The following SLC17A5 variants were observed in gnomAD, a reference collection of about 807,000 sequenced individuals.
The protein encoded by SLC17A5 is sialin.
Under a neutral mutation model 59.4 loss-of-function variants are expected in SLC17A5, and 47 were observed. The observed-to-expected ratio is 0.79, with a 90% confidence interval of 0.63 to 1.01. The LOEUF (loss-of-function observed/expected upper bound fraction) is 1.01. Among genes scored for constraint, SLC17A5 ranks in the 50% least tolerant of loss-of-function variants. SLC17A5 has a pLI of 0.00. For missense variants in SLC17A5, 522 were observed against 595.5 expected (o/e 0.88, Z 1.28); for synonymous variants, 202 against 210.7 (o/e 0.96, Z 0.36).
In SLC17A5 at chr6:73,653,981, C is replaced by T. The variant is rs999324081; in HGVS notation, c.-95G>A. 4.9e-6 allele frequency: 5 copies of T among 1,018,400 alleles called. No homozygotes were observed. The highest frequency in any genetic ancestry group is 3.4e-5 in the African/African-American group (2 of 58,882). The allele number at this position is 1,018,400 out of a possible 1,614,324, so 63.1% of individuals were successfully genotyped here. ...CCCGGGCCGAGCTGGCTGGACCGGG[C>T]GGGGCGGGGGCGATGACACCGCCCC... On this transcript the variant is annotated 5_prime_UTR_variant, in exon 1 of 11. Coordinates refer to ENST00000355773, the MANE Select transcript of SLC17A5 (RefSeq NM_012434.5).
intron 7 of SLC17A5, among the ~76,000 whole-genome samples, chr6:73,617,748 G>A (rs932690508): frequency 1.3e-5 from 2 of 152,050 alleles, no homozygotes; most frequent in Non-Finnish European, 2.9e-5. Context: ...GCCGAGGCAG[G>A]AGAATCGCTT....
intron 1 of SLC17A5, among the ~76,000 whole-genome samples, chr6:73,647,356 C>T (rs1271657676): frequency 6.6e-6 from 1 of 152,134 alleles, no homozygotes; most frequent in African/African-American, 2.4e-5. Flanking sequence ...GTGGCTTAAA[C>T]TACAGTGAAA....
At chr6:73,646,679 C>CA (rs1562001638) in intron 1 of SLC17A5, among the ~76,000 whole-genome samples, 3 of 145,994 alleles carry the variant, frequency 2.1e-5, no homozygotes, top group Non-Finnish European at 4.6e-5. Flanking sequence ...TTTTTTCTTT[C>CA]TTTTTTTTTT....
chr6:73,644,358 C>G, intron 2 of SLC17A5, 49 bp downstream of exon 2: 1 of 1,419,690 alleles, frequency 7.0e-7, no homozygotes, highest in Non-Finnish European at 9.9e-7. Flanking sequence ...TTTTTACTTG[C>G]AAGTATTTTA....
At chr6:73,642,746 T>C (rs2150119315) in intron 2 of SLC17A5, among the ~76,000 whole-genome samples, 1 of 152,356 alleles carries the variant, frequency 6.6e-6, no homozygotes, top group South Asian at 2.1e-4. Context: ...CAAGAACCAT[T>C]CCGGGATTTC....
chr6:73,620,955 G>A (rs1405748204), intron 7 of SLC17A5, among the ~76,000 whole-genome samples: 1 of 151,464 alleles, frequency 6.6e-6, no homozygotes, highest in Admixed American at 6.6e-5. Context: ...CGAACTCCTG[G>A]GCTCAAGCAG....
At chr6:73,617,633 C>T (rs887376763) in intron 7 of SLC17A5, among the ~76,000 whole-genome samples, 1 of 152,144 alleles carries the variant, frequency 6.6e-6, no homozygotes, top group African/African-American at 2.4e-5. Flanking sequence ...CACCTGAGGT[C>T]AGCAGTTTGA....
chr6:73,611,700 G>C (rs1053245985), intron 8 of SLC17A5, among the ~76,000 whole-genome samples: 2 of 152,110 alleles, frequency 1.3e-5, no homozygotes, highest in Non-Finnish European at 2.9e-5. Flanking sequence ...GAGACTTAAT[G>C]AGTGGGCTGT....
chr6:73,616,173 C>T (rs1470948298), intron 7 of SLC17A5, among the ~76,000 whole-genome samples: 2 of 152,018 alleles, frequency 1.3e-5, no homozygotes, highest in Non-Finnish European at 2.9e-5. Context: ...CATGAGCCAC[C>T]GCACCCGGCC....
intron 6 of SLC17A5, among the ~76,000 whole-genome samples, chr6:73,629,611 A>G (rs1161560432): frequency 6.6e-6 from 1 of 151,910 alleles, no homozygotes; most frequent in Non-Finnish European, 1.5e-5. Flanking sequence ...TGTCTCCACT[A>G]AAAATACAAA....
intron 9 of SLC17A5, 127 bp from the exon 10 acceptor site, chr6:73,600,568 G>A: frequency 1.3e-6 from 1 of 763,574 alleles, no homozygotes; most frequent in Non-Finnish European, 2.2e-6. Context: ...GAGGGCAGTG[G>A]GATGATCTCA....
At chr6:73,632,246 C>T (rs1768765240) in intron 6 of SLC17A5, among the ~76,000 whole-genome samples, 1 of 134,428 alleles carries the variant, frequency 7.4e-6, no homozygotes. Context: ...CTGCACTGAG[C>T]TGTGATGGTG....
intron 9 of SLC17A5, 63 bp downstream of exon 9, chr6:73,610,337 T>C: frequency 6.3e-7 from 1 of 1,592,660 alleles, no homozygotes; most frequent in South Asian, 1.1e-5. Context: ...TCTGGCCTTT[T>C]ATCAGGATTT....
intron 9 of SLC17A5, among the ~76,000 whole-genome samples, chr6:73,603,412 TG>T (rs1176001154): frequency 7.1e-6 from 1 of 140,338 alleles, no homozygotes; most frequent in African/African-American, 2.9e-5. Context: ...TTTTTAAAAT[TG>T]CTGCCTCTTT....
At chr6:73,630,623 C>T (rs58417654) in intron 6 of SLC17A5, among the ~76,000 whole-genome samples, 24,834 of 152,110 alleles carry the variant, frequency 0.16, 3,130 homozygotes, top group African/African-American at 0.35. Context: ...TGACTTCCAG[C>T]TGTTCCTCCT....
intron 1 of SLC17A5, among the ~76,000 whole-genome samples, chr6:73,646,679 CT>C (rs377347779): frequency 0.014 from 1,999 of 145,704 alleles, 39 homozygotes; most frequent in African/African-American, 0.043. Context: ...TTTTTTCTTT[CT>C]TTTTTTTTTT....
intron 10 of SLC17A5, among the ~76,000 whole-genome samples, chr6:73,597,290 AC>A (rs1424490055): frequency 6.8e-6 from 1 of 146,084 alleles, no homozygotes; most frequent in East Asian, 2.0e-4. Context: ...ACAAGGTGAA[AC>A]CCCGTCTCTA....
Position 73,593,760 on chromosome 6 carries a change from G to A in SLC17A5, c.*1317C>T, listed in dbSNP as rs1448529246. 2.6e-5 allele frequency: 4 copies of A among 152,082 alleles called. No individual in the cohort carries two copies. Among genetic ancestry groups the A allele is most frequent in the East Asian group, 1.9e-4 (1 of 5,192 alleles). The allele number at this position is 152,082 out of a possible 1,614,324, so 9.4% of individuals were successfully genotyped here. ...AGAATTAATTAAAAAAAAAATTCTC[G>A]TGTAGCTTAAAAACATAGAACAGGC... On this transcript the variant is annotated 3_prime_UTR_variant, in exon 11 of 11. Transcript: ENST00000355773.
At chr6:73,653,012 C>G (rs994871822) in intron 1 of SLC17A5, 2 of 977,912 alleles carry the variant, frequency 2.0e-6, no homozygotes, top group Non-Finnish European at 2.4e-6. Context: ...TGCTTTATGA[C>G]GTACCTGCTT....
Sources: allele counts gnomAD v4.1 joint callset (sites outside exome capture counted in the v4.1 genomes callset), GRCh38; gene constraint gnomAD v4.1.1; transcripts MANE v1.5; gene names NCBI Gene and HGNC (gene_info 2026-07-23, HGNC 2026-07-21).